Variants in PDHX observed in about 807,000 individuals in gnomAD.
PDHX encodes the protein pyruvate dehydrogenase complex component X, also known as pyruvate dehydrogenase protein X component, mitochondrial.
PDHX carries 33 observed loss-of-function variants against 55.3 expected under a neutral mutation model. The ratio of observed to expected loss-of-function variants is 0.60; its 90% confidence interval spans 0.45 to 0.80. The LOEUF (loss-of-function observed/expected upper bound fraction) is 0.80. PDHX is among the 30% of genes least tolerant of loss of function. The pLI, the probability that PDHX is intolerant of heterozygous loss-of-function variation, is 0.00. For missense variants in PDHX, 622 were observed against 619.9 expected (o/e 1.00, Z -0.04); for synonymous variants, 226 against 219.4 (o/e 1.03, Z -0.27).
At chr11:34,938,859 A>G (rs931251506) in intron 2 of PDHX, among the ~76,000 whole-genome samples, 6 of 152,228 alleles carry the variant, frequency 3.9e-5, no homozygotes, top group Non-Finnish European at 5.9e-5. Context: ...ATGTATTTTA[A>G]GTCCCTGGAG....
chr11:34,959,182 A>C (rs1050370053), intron 4 of PDHX, among the ~76,000 whole-genome samples: 1 of 151,922 alleles, frequency 6.6e-6, no homozygotes, highest in East Asian at 1.9e-4. Flanking sequence ...TATCCTATAT[A>C]TATAATAAAT....
At chr11:34,918,576 G>A (rs1030637838) in intron 1 of PDHX, among the ~76,000 whole-genome samples, 2 of 152,074 alleles carry the variant, frequency 1.3e-5, no homozygotes, top group Non-Finnish European at 2.9e-5. Flanking sequence ...TGAACAACTT[G>A]TCTACCCCAG....
chr11:34,915,970 T>G, upstream of PDHX: 2 of 570,856 alleles, frequency 3.5e-6, no homozygotes, highest in Non-Finnish European at 6.2e-6. Flanking sequence ...CCTCTCTCAG[T>G]TATTTGCTTC....
chr11:34,965,264 C>G (rs1299325608), intron 5 of PDHX, among the ~76,000 whole-genome samples: 1 of 152,106 alleles, frequency 6.6e-6, no homozygotes, highest in Admixed American at 6.6e-5. Context: ...GGACTGTGGC[C>G]CTTGTTTTCT....
intron 9 of PDHX, among the ~76,000 whole-genome samples, chr11:34,991,375 C>A (rs1855754367): frequency 6.6e-6 from 1 of 151,962 alleles, no homozygotes; most frequent in South Asian, 2.1e-4. Flanking sequence ...TGGGAAATAA[C>A]CAAGTAAATT....
At chr11:34,919,032 T>G (rs1013340515) in intron 1 of PDHX, among the ~76,000 whole-genome samples, 7 of 152,222 alleles carry the variant, frequency 4.6e-5, no homozygotes, top group Admixed American at 4.6e-4. Flanking sequence ...TCTTTAACCT[T>G]AATTCCCTCT....
intron 8 of PDHX, among the ~76,000 whole-genome samples, chr11:34,981,463 G>A (rs1422298282): frequency 1.1e-4 from 16 of 152,172 alleles, no homozygotes; most frequent in Admixed American, 7.2e-4. Flanking sequence ...ATAAACATAT[G>A]TGTGCATGTG....
intron 6 of PDHX, among the ~76,000 whole-genome samples, chr11:34,968,403 T>G (rs1203940105): frequency 6.6e-6 from 1 of 152,274 alleles, no homozygotes; most frequent in African/African-American, 2.4e-5. Context: ...TTTGTAAAAA[T>G]GAAATCAGCC....
intron 9 of PDHX, among the ~76,000 whole-genome samples, chr11:34,991,926 A>G (rs1342975698): frequency 6.6e-6 from 1 of 151,248 alleles, no homozygotes; most frequent in Non-Finnish European, 1.5e-5. Context: ...AAAAAAAAAA[A>G]AACTAAAAAA....
rs777380555 is a variant in PDHX at position 34,984,623 on chromosome 11, A to G, written c.1077A>G (p.Pro359=). The stretch of plus-strand genomic sequence containing the variant: ...ATGGAGAGGGCCCAAAGCAACTGCC[A>G]TTTATTGACATTTCAGTGGCTGTGG... The part of the protein sequence containing the change: ...SWDGEGPKQL[P]FIDISVAVAT... The change falls in exon 9 of 11, where the codon CCA becomes CCG. Residue 359 remains proline (P), a synonymous_variant. Coordinates refer to ENST00000227868, the MANE Select transcript of PDHX (RefSeq NM_003477.3). 1 of 1,613,884 alleles carries G rather than the reference A, an allele frequency of 6.2e-7. No individual in the cohort carries two copies. Among genetic ancestry groups the G allele is most frequent in the Admixed American group, 1.7e-5 (1 of 59,996 alleles).
At chr11:34,974,559 T>A (rs1385733159) in intron 7 of PDHX, among the ~76,000 whole-genome samples, 1 of 152,166 alleles carries the variant, frequency 6.6e-6, no homozygotes, top group Non-Finnish European at 1.5e-5. Flanking sequence ...ATATGATAAT[T>A]CTATTTTTAA....
At chr11:34,925,350 C>CA in intron 1 of PDHX, among the ~76,000 whole-genome samples, 1 of 152,322 alleles carries the variant, frequency 6.6e-6, no homozygotes, top group Admixed American at 6.5e-5. Flanking sequence ...AGCTACTTTT[C>CA]AAACAGCAGC....
chr11:34,957,072 C>T (rs1854918845), intron 3 of PDHX, among the ~76,000 whole-genome samples: 1 of 152,154 alleles, frequency 6.6e-6, no homozygotes, highest in African/African-American at 2.4e-5. Context: ...TTTGTATTGA[C>T]ATCAAAAAGA....
chr11:34,934,483 A>T (rs1300702803), intron 2 of PDHX, among the ~76,000 whole-genome samples: 1 of 151,972 alleles, frequency 6.6e-6, no homozygotes, highest in African/African-American at 2.4e-5. Context: ...ACCAGTGCCA[A>T]TGTATGGACC....
chr11:34,967,960 A>G (rs1270892881), intron 6 of PDHX, among the ~76,000 whole-genome samples: 5 of 152,150 alleles, frequency 3.3e-5, no homozygotes, highest in Non-Finnish European at 7.4e-5. Context: ...TAATTCAATC[A>G]TATGTCTTTT....
intron 8 of PDHX, among the ~76,000 whole-genome samples, chr11:34,981,617 G>A (rs571997531): frequency 5.3e-5 from 8 of 152,082 alleles, no homozygotes; most frequent in South Asian, 2.1e-4. Context: ...AGTCCCACCA[G>A]CAGTGTAAAA....
chr11:34,985,954 C>A (rs373865330), intron 9 of PDHX, among the ~76,000 whole-genome samples: 2 of 152,108 alleles, frequency 1.3e-5, no homozygotes, highest in South Asian at 2.1e-4. Flanking sequence ...GGTCTTTCTT[C>A]CCTCCTCTTT....
chr11:34,976,250 CATA>C (rs1412526878), intron 7 of PDHX, among the ~76,000 whole-genome samples: 7 of 152,142 alleles, frequency 4.6e-5, no homozygotes, highest in Non-Finnish European at 7.3e-5. Flanking sequence ...AGTTACAATA[CATA>C]ACATTCTGTA....
rs1173444024 is a variant in PDHX at position 34,966,685 on chromosome 11, C to T, written c.687C>T (p.Thr229=). 19 of 1,613,932 alleles carry T rather than the reference C, an allele frequency of 1.2e-5. No homozygotes were observed. The highest frequency in any genetic ancestry group is 1.6e-4 in the Middle Eastern group (1 of 6,084). Residue 229 remains threonine, a synonymous_variant, in exon 6 of 11, where the codon ACC becomes ACT. Coordinates refer to ENST00000227868, the MANE Select transcript of PDHX (RefSeq NM_003477.3). ...LVQLKQTGKI[T]ESRPTPAPTA... is the part of the protein sequence containing the mutation. ...AGTTGAAACAAACGGGCAAGATTAC[C>T]GAGTCCAGACCAACTCCAGCCCCCA...
Sources: gnomAD v4.1 joint callset for allele counts (sites outside exome capture counted in the v4.1 genomes callset) on GRCh38, gnomAD v4.1.1 for gene constraint, MANE v1.5 for transcripts, NCBI Gene and HGNC (gene_info 2026-07-23, HGNC 2026-07-21) for gene names.